The following DCTN5 variants were observed in gnomAD, a reference collection of about 807,000 sequenced individuals.
DCTN5 encodes dynactin subunit 5.
Under a neutral mutation model 23.5 loss-of-function variants are expected in DCTN5, and 14 were observed. The ratio of observed to expected loss-of-function variants is 0.60; its 90% CI spans 0.39 to 0.93. The LOEUF (loss-of-function observed/expected upper bound fraction) is 0.93, where lower values mean the gene tolerates loss of function less well. DCTN5 is among the 40% of genes least tolerant of loss of function. The probability of loss-of-function intolerance (pLI) is 0.00; values close to 1 mark genes in which losing one functional copy is unlikely to be tolerated. For synonymous variants in DCTN5, 67 were observed against 79.6 expected, an observed-to-expected ratio of 0.84 and a Z score of 0.84; for missense variants, 156 against 225.9, an observed-to-expected ratio of 0.69 and a Z score of 1.98.
chr16:23,669,169 C>T lies in DCTN5; in HGVS notation c.*2025C>T, dbSNP rs1054204010. 6.6e-6 allele frequency: 1 copy of T among 152,596 alleles called. No individual in the cohort carries two copies. The highest frequency in any genetic ancestry group is 1.5e-5 in the Non-Finnish European group (1 of 68,048). The allele number at this position is 152,596 out of a possible 1,614,324, so 9.5% of individuals were successfully genotyped here. On this transcript the variant is annotated 3_prime_UTR_variant, in exon 6 of 6. Transcript: ENST00000300087. ...TTATAACCCTGGAGATGAAAATCTC[C>T]TTGTCCTCAAAATACTTCCAGAAGA...
intron 2 of DCTN5, among the ~76,000 whole-genome samples, chr16:23,644,065 T>C (rs1055668434): frequency 9.9e-5 from 15 of 152,086 alleles, no homozygotes; most frequent in Non-Finnish European, 2.2e-4. Flanking sequence ...AAGCCTGTCA[T>C]ACCAAGGAAT....
chr16:23,643,131 AT>A, intron 2 of DCTN5, 108 bp downstream of exon 2: 1 of 852,294 alleles, frequency 1.2e-6, no homozygotes, highest in Non-Finnish European at 1.9e-6. Flanking sequence ...TATTGTTTAC[AT>A]TTTTAATTCT....
intron 4 of DCTN5, among the ~76,000 whole-genome samples, chr16:23,664,960 A>G (rs74012310): frequency 0.063 from 9,658 of 152,292 alleles, 640 homozygotes; most frequent in African/African-American, 0.16. Context: ...GGCTCCAGGC[A>G]TTCAGCCCAT....
rs1490403502 is a variant in DCTN5 at position 23,665,728 on chromosome 16, G to A, written c.451G>A (p.Gly151Arg). ...ATTCACTGTCTTCTCAGGCTGCCCAGGTAACCTTGGCTGTTGATTAATTTT... is the reference window on the plus strand; with the variant it reads ...ATTCACTGTCTTCTCAGGCTGCCCAAGTAACCTTGGCTGTTGATTAATTTT... Reference protein sequence around the residue: ...PPFTVFSGCPGLFSGELPECT... With the variant: ...PPFTVFSGCPRLFSGELPECT... The change falls in exon 5 of 6, where the codon GGA (glycine) becomes AGA (arginine). Residue 151 changes from glycine to arginine, a missense_variant and splice_region_variant. By Grantham distance (125) the Gly-to-Arg change is moderately radical. Coordinates refer to ENST00000300087, the MANE Select transcript of DCTN5 (RefSeq NM_032486.4). The A allele has an allele frequency of 6.2e-7, 1 of 1,611,610 alleles. No individual in the cohort carries two copies. The highest frequency in any genetic ancestry group is 2.2e-5 in the East Asian group (1 of 44,858).
At chr16:23,663,502 C>T (rs253102) in intron 4 of DCTN5, among the ~76,000 whole-genome samples, 1 of 152,004 alleles carries the variant, frequency 6.6e-6, no homozygotes, top group Non-Finnish European at 1.5e-5. Context: ...TCACTTGAGG[C>T]CAGGAGTTTA....
rs1567232363 is a variant in DCTN5, at chr16:23,658,642, C to T, written c.236+17C>T. On this transcript the variant is annotated intron_variant, in intron 3 of 5. Transcript: ENST00000300087. ...CAGCAAAGGGTATGTAATTTAATTA[C>T]TTTGTTCAAGTCTTGGGCAAGAAGC... 1.2e-6 allele frequency: 2 copies of T among 1,601,626 alleles called. No individual in the cohort carries two copies. Among genetic ancestry groups the T allele is most frequent in the Admixed American group, 1.7e-5 (1 of 59,962 alleles).
chr16:23,651,806 G>A (rs944467703), intron 2 of DCTN5, among the ~76,000 whole-genome samples: 4 of 152,142 alleles, frequency 2.6e-5, no homozygotes, highest in African/African-American at 7.2e-5. Flanking sequence ...AGGCGGAGGC[G>A]GGCAGATTAC....
chr16:23,650,688 A>G, intron 2 of DCTN5: 2 of 1,426,700 alleles, frequency 1.4e-6, no homozygotes, highest in Admixed American at 2.0e-5. Context: ...CTTGGTGGAA[A>G]GTTACTTTGT....
intron 2 of DCTN5, among the ~76,000 whole-genome samples, chr16:23,646,904 A>AG (rs1967473617): frequency 1.3e-5 from 2 of 152,166 alleles, no homozygotes; most frequent in African/African-American, 4.8e-5. Flanking sequence ...GGTTTGAGGT[A>AG]GGGGTCTAAC....
At position 23,643,078 on chromosome 16, in the gene DCTN5, G is replaced by T; in HGVS notation, c.117+55G>T. ...AACCTTAGCTTGCGTTCTGCTAATT[G>T]TCACCACAGCAGGGCAGATAAAATG... On this transcript the variant is annotated intron_variant, in intron 2 of 5. Transcript: ENST00000300087. 4 of 1,425,004 alleles carry T rather than the reference G, an allele frequency of 2.8e-6. No homozygotes were observed. The South Asian group carries it at 4.6e-5, about 16-fold the overall frequency. The allele number at this position is 1,425,004 out of a possible 1,614,324, so 88.3% of individuals were successfully genotyped here.
At position 23,676,176 on chromosome 16, in the gene DCTN5, A is replaced by T; in HGVS notation, c.*9032A>T. The T allele has an allele frequency of 6.7e-6, 1 of 150,260 alleles. No homozygotes were observed. Among genetic ancestry groups the T allele is most frequent in the Non-Finnish European group, 1.5e-5 (1 of 67,778 alleles). 9.3% of individuals were successfully genotyped at this position (150,260 alleles called of 1,614,324 possible). ...TCAGAGTTATACTGTGCCTGAATTG[A>T]TGCCTCAGGTCAGGTTGAAAAAAAA... is the stretch of plus-strand genomic sequence containing the variant. On this transcript the variant is annotated 3_prime_UTR_variant, in exon 6 of 6. Transcript: ENST00000300087.
At chr16:23,648,638 C>T (rs1967528686) in intron 2 of DCTN5, among the ~76,000 whole-genome samples, 2 of 151,952 alleles carry the variant, frequency 1.3e-5, no homozygotes, top group Admixed American at 6.6e-5. Flanking sequence ...GTGTGGGCCA[C>T]CACACCTGGC....
chr16:23,654,548 A>G (rs2140980111), intron 2 of DCTN5, among the ~76,000 whole-genome samples: 1 of 152,300 alleles, frequency 6.6e-6, no homozygotes, highest in Non-Finnish European at 1.5e-5. Context: ...GTGTACAACA[A>G]ACCTCCATGA....
At chr16:23,661,025 A>C in intron 3 of DCTN5, 145 bp from the exon 4 acceptor site, 2 of 462,244 alleles carry the variant, frequency 4.3e-6, no homozygotes, top group Non-Finnish European at 7.6e-6. Flanking sequence ...ATATTGTATA[A>C]TTTTTCTAGC....
intron 2 of DCTN5, among the ~76,000 whole-genome samples, chr16:23,647,296 G>A (rs1967487181): frequency 6.6e-6 from 1 of 151,886 alleles, no homozygotes; most frequent in African/African-American, 2.4e-5. Flanking sequence ...CCATGCTAGA[G>A]ACAGGGTTTT....
At chr16:23,658,177 G>A (rs80170362) in intron 2 of DCTN5, among the ~76,000 whole-genome samples, 3 of 152,142 alleles carry the variant, frequency 2.0e-5, no homozygotes, top group African/African-American at 7.2e-5. Context: ...CCAAGGCTTG[G>A]GGGGCATGAG....
rs1328512155 is a variant in DCTN5, at chr16:23,667,637, G to A, written c.*493G>A. On this transcript the variant is annotated 3_prime_UTR_variant, in exon 6 of 6. Coordinates refer to ENST00000300087, the MANE Select transcript of DCTN5 (RefSeq NM_032486.4). ...GTTGTTGCAGTTGCTCATCATCTTG[G>A]GAAAGGTGTTTGTGACTTTTCAGAG... 3 of 156,564 alleles carry A rather than the reference G, an allele frequency of 1.9e-5. No individual in the cohort carries two copies. The highest frequency in any genetic ancestry group is 4.3e-5 in the Non-Finnish European group (3 of 70,468). 9.7% of individuals were successfully genotyped at this position (156,564 alleles called of 1,614,324 possible). A position where few individuals can be genotyped will look rare whatever the true frequency, so the allele number is the denominator to read the frequency against.
chr16:23,672,378 A>G lies in DCTN5; in HGVS notation c.*5234A>G, dbSNP rs556434307. 6.6e-6 allele frequency: 1 copy of G among 152,322 alleles called. No homozygotes were observed. The highest frequency in any genetic ancestry group is 2.1e-4 in the South Asian group (1 of 4,830). The allele number at this position is 152,322 out of a possible 1,614,324, so 9.4% of individuals were successfully genotyped here. A position where few individuals can be genotyped will look rare whatever the true frequency, so the allele number is the denominator to read the frequency against. ...ATGGGCACTTTATCCCATTTTATAA[A>G]CATGGAAATTGAGGCACAGAGAGAT... is the stretch of plus-strand genomic sequence containing the variant. On this transcript the variant is annotated 3_prime_UTR_variant, in exon 6 of 6. Transcript: ENST00000300087.
At position 23,675,132 on chromosome 16, in the gene DCTN5, A is replaced by C. The variant is rs561906967; in HGVS notation, c.*7988A>C. The C allele has an allele frequency of 2.0e-5, 3 of 152,180 alleles. No homozygotes were observed. The East Asian group carries it at 5.8e-4, about 29-fold the overall frequency. 9.4% of individuals were successfully genotyped at this position (152,180 alleles called of 1,614,324 possible). ...ATAATTCAACCCTCCACACATAATT[A>C]CCAATTTCTGAATGTCTTTCTGGTT... On this transcript the variant is annotated 3_prime_UTR_variant, in exon 6 of 6. Coordinates refer to ENST00000300087, the MANE Select transcript of DCTN5 (RefSeq NM_032486.4).
Sources: gnomAD v4.1 joint callset for allele counts (sites outside exome capture counted in the v4.1 genomes callset) on GRCh38, gnomAD v4.1.1 for gene constraint, MANE v1.5 for transcripts, NCBI Gene and HGNC (gene_info 2026-07-23, HGNC 2026-07-21) for gene names.